PCDHGB5: variants seen among roughly 807,000 people sequenced by gnomAD.
PCDHGB5 encodes protocadherin gamma-B5.
A neutral mutation model predicts 62.9 loss-of-function variants in PCDHGB5; 48 were observed. The ratio of observed to expected loss-of-function variants is 0.76; its 90% CI spans 0.61 to 0.97. The LOEUF (loss-of-function observed/expected upper bound fraction) is 0.97, where lower values mean the gene tolerates loss of function less well. Among genes scored for constraint, PCDHGB5 ranks in the 50% least tolerant of loss-of-function variants. The pLI is 0.00. For synonymous variants in PCDHGB5, 474 were observed against 511.2 expected (o/e 0.93, Z 0.98); for missense variants, 1,118 against 1,198.6 (o/e 0.93, Z 0.99).
intron 1 of PCDHGB5, among the ~76,000 whole-genome samples, chr5:141,448,393 A>G (rs190525499): frequency 6.6e-6 from 1 of 152,306 alleles, no homozygotes; most frequent in Admixed American, 6.5e-5. Flanking sequence ...ATACATTTAC[A>G]TGGTTTTAAA....
intron 1 of PCDHGB5, among the ~76,000 whole-genome samples, chr5:141,467,809 C>T (rs1026263094): frequency 6.6e-6 from 1 of 152,056 alleles, no homozygotes. Flanking sequence ...CAGGCACATG[C>T]CACCACACCA....
chr5:141,408,157 T>C (rs748693406), intron 1 of PCDHGB5: 70 of 1,514,372 alleles, frequency 4.6e-5, no homozygotes, highest in Non-Finnish European at 5.9e-5. Flanking sequence ...AGAGTGCACT[T>C]TCTCCAACTG....
At chr5:141,507,009 C>T (rs988626142) in intron 3 of PCDHGB5, 1 of 152,154 alleles carries the variant, frequency 6.6e-6, no homozygotes, top group South Asian at 2.1e-4. Context: ...ATGAGAGAAC[C>T]GAGAAGGCAC....
Position 141,417,818 on chromosome 5 carries a change from C to T in PCDHGB5, c.2397+17294C>T, listed in dbSNP as rs59981184. 5.7e-4 allele frequency: 859 copies of T among 1,512,530 alleles called. 1 individual carries two copies. The African/African-American group carries it at 0.011, about 19-fold the overall frequency. 93.7% of individuals were successfully genotyped at this position (1,512,530 alleles called of 1,614,324 possible). On this transcript the variant is annotated intron_variant, in intron 1 of 3. Coordinates refer to ENST00000617380, the MANE Select transcript of PCDHGB5 (RefSeq NM_018925.3). ...TTTAGCGCGGTAGAGTGCACTTTCTCCAACTGGAAAAGCGGGGACCCAGCG... is the reference window on the plus strand; with the variant it reads ...TTTAGCGCGGTAGAGTGCACTTTCTTCAACTGGAAAAGCGGGGACCCAGCG...
chr5:141,413,806 A>C, intron 1 of PCDHGB5: 1 of 1,613,168 alleles, frequency 6.2e-7, no homozygotes. Flanking sequence ...GGAAGAGGCC[A>C]TTCACCACCT....
Position 141,491,009 on chromosome 5 carries a change from C to A in PCDHGB5, c.2398-3798C>A. On this transcript the variant is annotated intron_variant, in intron 1 of 3. Transcript: ENST00000617380. This position sits in a 1 kb window ranked among gnomAD's most constrained non-coding sequence, Gnocchi z 6.9. ...TCTGCTCCTCCTGGCTCCTTGGTCA[C>A]CAAGGTGACAGCCGTGGATGCTGAT... 4 of 1,614,140 alleles carry A rather than the reference C, an allele frequency of 2.5e-6. No homozygotes were observed. Among genetic ancestry groups the A allele is most frequent in the Non-Finnish European group, 3.4e-6 (4 of 1,180,038 alleles).
chr5:141,476,180 C>T lies in PCDHGB5; in HGVS notation c.2398-18627C>T. The T allele has an allele frequency of 1.2e-6, 2 of 1,613,664 alleles. No individual in the cohort carries two copies. Among genetic ancestry groups the T allele is most frequent in the East Asian group, 4.5e-5 (2 of 44,838 alleles). On this transcript the variant is annotated intron_variant, in intron 1 of 3. Transcript: ENST00000617380. The surrounding 1 kb of genome is among the most constrained non-coding windows in gnomAD (Gnocchi z 7.6). ...CGGGAGGGTAGTGGGAGTTTTGCTT[C>T]TGCTTGGTGCCTTGAACAAGGCTTC...
Position 141,431,529 on chromosome 5 carries a change from T to C in PCDHGB5, c.2397+31005T>C, listed in dbSNP as rs145601545. 166 of 1,614,074 alleles carry C rather than the reference T, an allele frequency of 1.0e-4. No individual in the cohort carries two copies. In the African/African-American group the frequency reaches 2.0e-3, roughly 19 times the overall value. On this transcript the variant is annotated intron_variant, in intron 1 of 3. Coordinates refer to ENST00000617380, the MANE Select transcript of PCDHGB5 (RefSeq NM_018925.3). The surrounding 1 kb of genome is among the most constrained non-coding windows in gnomAD (Gnocchi z 4.8). The stretch of plus-strand genomic sequence containing the variant: ...GCGAGCGTTCCGGAGAATCTGGCCT[T>C]GGGCACGCAGCTGCTTGTAGTCAAC...
intron 1 of PCDHGB5, chr5:141,424,664 A>T (rs923488035): frequency 6.6e-6 from 1 of 152,124 alleles, no homozygotes; most frequent in African/African-American, 2.4e-5. Flanking sequence ...CTTTAATTAA[A>T]CTGATTTAGC....
Position 141,485,548 on chromosome 5 carries a change from T to C in PCDHGB5, c.2398-9259T>C, listed in dbSNP as rs749739126. ...ACCGAGCAGAGGTAGAGATCGTAGA[T>C]GTGAATGATCACGCCCCCCGTTTTC... On this transcript the variant is annotated intron_variant, in intron 1 of 3. Transcript: ENST00000617380. This position sits in a 1 kb window ranked among gnomAD's most constrained non-coding sequence, Gnocchi z 5.7. The C allele has an allele frequency of 3.1e-6, 5 of 1,614,040 alleles. No homozygotes were observed. The highest frequency in any genetic ancestry group is 3.4e-6 in the Non-Finnish European group (4 of 1,179,942).
intron 1 of PCDHGB5, chr5:141,410,165 T>G: frequency 1.9e-6 from 3 of 1,613,714 alleles, no homozygotes; most frequent in Non-Finnish European, 2.5e-6. Flanking sequence ...GCCGCCACTC[T>G]CTGCCACCGC....
Position 141,511,030 on chromosome 5 carries a change from C to A in PCDHGB5, c.2629C>A (p.Gln877Lys). 9 of 1,614,224 alleles carry A rather than the reference C, an allele frequency of 5.6e-6. No individual in the cohort carries two copies. Among genetic ancestry groups the A allele is most frequent in the Non-Finnish European group, 7.6e-6 (9 of 1,180,032 alleles). Residue 877 changes from glutamine (Q) to lysine (K), a missense_variant, in exon 4 of 4, where the codon CAG (glutamine) becomes AAG (lysine). Transcript: ENST00000617380. ...SARYGPQFTLQHVPDYRQNVY... is the reference protein window; with the variant it reads ...SARYGPQFTLKHVPDYRQNVY... ...CCGCTACGGACCCCAGTTCACCCTGCAGCACGTGCCCGACTACCGCCAGAA... is the reference window on the plus strand; with the variant it reads ...CCGCTACGGACCCCAGTTCACCCTGAAGCACGTGCCCGACTACCGCCAGAA...
At chr5:141,408,834 T>G in intron 1 of PCDHGB5, 1 of 1,613,696 alleles carries the variant, frequency 6.2e-7, no homozygotes, top group Non-Finnish European at 8.5e-7. Context: ...CATAGCTTGA[T>G]ATTGACTGCC....
chr5:141,492,084 G>A (rs979755390), intron 1 of PCDHGB5, among the ~76,000 whole-genome samples: 1 of 152,236 alleles, frequency 6.6e-6, no homozygotes, highest in Non-Finnish European at 1.5e-5. Flanking sequence ...GCTCCGGCAC[G>A]CTTCGCCGGT....
chr5:141,413,358 G>C, intron 1 of PCDHGB5: 1 of 1,613,972 alleles, frequency 6.2e-7, no homozygotes, highest in Non-Finnish European at 8.5e-7. Flanking sequence ...TGGCGCCCCG[G>C]GAGCTGGCGG....
intron 1 of PCDHGB5, among the ~76,000 whole-genome samples, chr5:141,474,405 GT>G (rs2099348889): frequency 6.6e-6 from 1 of 152,196 alleles, no homozygotes; most frequent in African/African-American, 2.4e-5. Flanking sequence ...AAGCTCCCCG[GT>G]GATGCCTAGA....
In PCDHGB5 at chr5:141,432,782, C is replaced by A. The variant is rs547164205; in HGVS notation, c.2397+32258C>A. 6.2e-7 allele frequency: 1 copy of A among 1,614,164 alleles called. No homozygotes were observed. Among genetic ancestry groups the A allele is most frequent in the African/African-American group, 1.3e-5 (1 of 75,052 alleles). ...CAGCATCCCCCAAGTCCTGGCGGAC[C>A]TCGGCAGCCTCGAGTCTCCAGCTAA... On this transcript the variant is annotated intron_variant, in intron 1 of 3. Coordinates refer to ENST00000617380, the MANE Select transcript of PCDHGB5 (RefSeq NM_018925.3). This position sits in a 1 kb window ranked among gnomAD's most constrained non-coding sequence, Gnocchi z 6.0.
chr5:141,431,354 G>C lies in PCDHGB5; in HGVS notation c.2397+30830G>C. 6.2e-7 allele frequency: 1 copy of C among 1,614,036 alleles called. No individual in the cohort carries two copies. Among genetic ancestry groups the C allele is most frequent in the Non-Finnish European group, 8.5e-7 (1 of 1,180,038 alleles). ...GTACCCCGAATTGGTGCTGAAACGC[G>C]CCCTGGACCGCGAAGAAAAGGCTGC... On this transcript the variant is annotated intron_variant, in intron 1 of 3. Transcript: ENST00000617380. This position sits in a 1 kb window ranked among gnomAD's most constrained non-coding sequence, Gnocchi z 4.8.
intron 1 of PCDHGB5, chr5:141,426,732 C>T (rs576525011): frequency 2.7e-4 from 123 of 448,642 alleles, no homozygotes; most frequent in African/African-American, 2.2e-3. Context: ...TCCAGGCATT[C>T]GGTTTGGCCT....
Sources: gnomAD v4.1 joint callset for allele counts (sites outside exome capture counted in the v4.1 genomes callset) on GRCh38, gnomAD v4.1.1 for gene constraint, Gnocchi (gnomAD v3.1) non-coding constraint, MANE v1.5 for transcripts, NCBI Gene and HGNC (gene_info 2026-07-23, HGNC 2026-07-21) for gene names.